CST7: variants seen among roughly 807,000 people sequenced by gnomAD.
CST7 encodes the protein cystatin F.
CST7 carries 15 observed loss-of-function variants against 13.1 expected under a neutral mutation model. The ratio of observed to expected loss-of-function variants is 1.14; its 90% CI spans 0.77 to 1.76. The LOEUF (loss-of-function observed/expected upper bound fraction) is 1.76, where lower values mean the gene tolerates loss of function less well. Ranked by LOEUF, CST7 falls within the 40% of genes most tolerant of loss-of-function variation. CST7 has a pLI of 0.00. For missense variants in CST7, 193 were observed against 178.8 expected (o/e 1.08, Z -0.45); for synonymous variants, 75 against 66.9 (o/e 1.12, Z -0.59).
intron 1 of CST7, among the ~76,000 whole-genome samples, chr20:24,956,109 A>C (rs1217096419): frequency 1.3e-5 from 2 of 152,136 alleles, no homozygotes; most frequent in African/African-American, 2.4e-5. Context: ...TTCCAGTCCC[A>C]TGCTTCTCTG....
intron 1 of CST7, among the ~76,000 whole-genome samples, chr20:24,953,562 ACC>A (rs1474023320): frequency 6.6e-6 from 1 of 152,052 alleles, no homozygotes; most frequent in Non-Finnish European, 1.5e-5. Flanking sequence ...CCTTCCTGTG[ACC>A]ATGTGTCCTG....
At chr20:24,951,641 G>C (rs146816646) in intron 1 of CST7, among the ~76,000 whole-genome samples, 4 of 152,136 alleles carry the variant, frequency 2.6e-5, no homozygotes, top group Non-Finnish European at 5.9e-5. Context: ...ACTGAGGGGG[G>C]TAGGGGGCGG....
chr20:24,957,827 C>T (rs2087869510), intron 2 of CST7, among the ~76,000 whole-genome samples: 1 of 152,166 alleles, frequency 6.6e-6, no homozygotes, highest in South Asian at 2.1e-4. Context: ...GACCAGGGTC[C>T]TCACCCGGCC....
At chr20:24,955,446 CTTT>C (rs777745036) in intron 1 of CST7, among the ~76,000 whole-genome samples, 6 of 133,388 alleles carry the variant, frequency 4.5e-5, no homozygotes, top group Admixed American at 7.6e-5. Flanking sequence ...GGCCTAAAGT[CTTT>C]TTTTTTTTTT....
At chr20:24,953,633 TC>T (rs1316217497) in intron 1 of CST7, among the ~76,000 whole-genome samples, 2 of 152,104 alleles carry the variant, frequency 1.3e-5, no homozygotes, top group African/African-American at 4.8e-5. Context: ...ACCTCCAGCT[TC>T]TACGTCTGGA....
Position 24,959,793 on chromosome 20 carries a change from C to G in CST7, c.*81C>G. On this transcript the variant is annotated 3_prime_UTR_variant, in exon 4 of 4. Coordinates refer to ENST00000480798, the MANE Select transcript of CST7 (RefSeq NM_003650.4). ...TGTCCCCTCCCACCCGCCTCATGAC[C>G]CAGCCTCACAGACCCTCTCAGGCCT... 1.4e-6 allele frequency: 2 copies of G among 1,404,960 alleles called. No homozygotes were observed. The highest frequency in any genetic ancestry group is 2.3e-5 in the East Asian group (1 of 43,846). 87.0% of individuals were successfully genotyped at this position (1,404,960 alleles called of 1,614,324 possible). A position where few individuals can be genotyped will look rare whatever the true frequency, so the allele number is the denominator to read the frequency against.
intron 2 of CST7, among the ~76,000 whole-genome samples, chr20:24,957,864 G>A (rs949567455): frequency 2.6e-5 from 4 of 152,176 alleles, no homozygotes; most frequent in Non-Finnish European, 5.9e-5. Flanking sequence ...CTGCAGCCCA[G>A]AGGTGTCTTT....
In CST7 at chr20:24,957,439, A is replaced by G. The variant is rs1402836556; in HGVS notation, c.223A>G (p.Ile75Val). ...NDMFLFKESR[I>V]TRALVQIVKG... ...CATGTTCTTGTTCAAGGAGTCCCGC[A>G]TCACAAGGGCCCTAGTTCAGGTAAC... The change falls in exon 2 of 4, where the codon ATC (isoleucine) becomes GTC (valine). Residue 75 changes from isoleucine (I) to valine (V), a missense_variant. By Grantham distance (29) the Ile-to-Val change is conservative (BLOSUM62 3). Transcript: ENST00000480798. 6.2e-7 allele frequency: 1 copy of G among 1,613,726 alleles called. No individual in the cohort carries two copies. The highest frequency in any genetic ancestry group is 1.3e-5 in the African/African-American group (1 of 74,978).
chr20:24,949,606 G>T (rs372972699), intron 1 of CST7, 31 bp downstream of exon 1: 1 of 1,612,260 alleles, frequency 6.2e-7, no homozygotes, highest in South Asian at 1.1e-5. Context: ...TCCGCTCCCC[G>T]GGGGTCTCTC....
At chr20:24,949,936 G>T (rs1289234434) in intron 1 of CST7, among the ~76,000 whole-genome samples, 3 of 152,200 alleles carry the variant, frequency 2.0e-5, no homozygotes, top group African/African-American at 4.8e-5. Context: ...GTGGTTAGCC[G>T]CTTCTATCTG....
rs572815945 is a variant in CST7, at chr20:24,949,614, C to T, written c.70+39C>T. The T allele has an allele frequency of 2.9e-5, 47 of 1,611,496 alleles. No homozygotes were observed. The South Asian group carries it at 4.5e-4, about 15-fold the overall frequency. The stretch of plus-strand genomic sequence containing the variant: ...TCCCCTGTCCGCTCCCCGGGGGTCT[C>T]TCCCTGAGATTGGCCACTGGTGCCT... On this transcript the variant is annotated intron_variant, in intron 1 of 3. Transcript: ENST00000480798.
intron 1 of CST7, among the ~76,000 whole-genome samples, chr20:24,951,316 C>A (rs1218419641): frequency 6.6e-6 from 1 of 152,220 alleles, no homozygotes; most frequent in Non-Finnish European, 1.5e-5. Flanking sequence ...AAGGCACAGG[C>A]ATGGAGGCAC....
chr20:24,955,961 GCA>G (rs2087851292), intron 1 of CST7, among the ~76,000 whole-genome samples: 2 of 152,196 alleles, frequency 1.3e-5, no homozygotes, highest in Non-Finnish European at 2.9e-5. Flanking sequence ...CACAAGGCAG[GCA>G]CAGTCATCCA....
At chr20:24,958,062 G>A (rs1203697638) in intron 2 of CST7, among the ~76,000 whole-genome samples, 4 of 152,210 alleles carry the variant, frequency 2.6e-5, no homozygotes, top group South Asian at 2.1e-4. Context: ...ACCCACCACC[G>A]TGTGCTGGTG....
intron 3 of CST7, among the ~76,000 whole-genome samples, chr20:24,959,350 T>TATATGTATCATATACATACATATG (rs1273032930): frequency 1.8e-4 from 28 of 151,782 alleles, no homozygotes; most frequent in Middle Eastern, 3.4e-3. Context: ...CCAGAAATTA[T>TATATGTATCATATACATACATATG]ATATGTATCA....
Position 24,959,634 on chromosome 20 carries a change from G to C in CST7, c.361-1G>C, listed in dbSNP as rs778852668. On this transcript the variant is annotated splice_acceptor_variant, in intron 3 of 3. Coordinates refer to ENST00000480798, the MANE Select transcript of CST7 (RefSeq NM_003650.4). LOFTEE classifies it high-confidence loss of function. ...CTCAGGTGTGCCCTTCTCTGTTTCA[G>C]ACTCTGAGCTGCTACTCTGAAGTCT... 8.1e-6 allele frequency: 13 copies of C among 1,614,102 alleles called. No homozygotes were observed. In the Admixed American group the frequency reaches 1.8e-4, roughly 23 times the overall value.
chr20:24,952,972 C>CCT (rs1555842376), intron 1 of CST7, among the ~76,000 whole-genome samples: 4 of 152,236 alleles, frequency 2.6e-5, no homozygotes, highest in African/African-American at 9.6e-5. Flanking sequence ...TGTTTTCTCT[C>CCT]CTCAGGTTGG....
chr20:24,956,173 AC>A (rs1218036954), intron 1 of CST7, among the ~76,000 whole-genome samples: 1 of 151,992 alleles, frequency 6.6e-6, no homozygotes, highest in African/African-American at 2.4e-5. Flanking sequence ...GTGACCAGAA[AC>A]CTCGTCATCC....
At position 24,955,415 on chromosome 20, in the gene CST7, G is replaced by A. The variant is rs371410809; in HGVS notation, c.71-1872G>A. On this transcript the variant is annotated intron_variant, in intron 1 of 3. Coordinates refer to ENST00000480798, the MANE Select transcript of CST7 (RefSeq NM_003650.4). Reference sequence around the variant, plus strand: ...AGCCCCTGGTGCTCAGGAACAGAGCGGTTTCTATTCCATCTTCAGAGGCCT... The same window carrying A: ...AGCCCCTGGTGCTCAGGAACAGAGCAGTTTCTATTCCATCTTCAGAGGCCT... Among the ~76,000 whole-genome samples, 22 of 151,918 alleles carry A rather than the reference G, an allele frequency of 1.4e-4. 2 individuals carry two copies. Among genetic ancestry groups the A allele is most frequent in the Admixed American group, 1.2e-3 (19 of 15,260 alleles).
Sources: allele counts gnomAD v4.1 joint callset (sites outside exome capture counted in the v4.1 genomes callset), GRCh38; gene constraint gnomAD v4.1.1; transcripts MANE v1.5; gene names NCBI Gene and HGNC (gene_info 2026-07-23, HGNC 2026-07-21).